The following GLIS3 variants were observed in gnomAD, a reference collection of about 807,000 sequenced individuals.
The protein encoded by GLIS3 is GLIS family zinc finger 3.
GLIS3 carries 53 observed loss-of-function variants against 78.6 expected under a neutral mutation model. That is an observed-to-expected ratio of 0.67 (90% CI 0.54 to 0.85). The LOEUF (loss-of-function observed/expected upper bound fraction) is 0.85, where lower values mean the gene tolerates loss of function less well. Ranked by LOEUF, GLIS3 falls within the 40% of genes least tolerant of loss-of-function variation. The pLI is 0.00. For synonymous variants in GLIS3, 684 were observed against 509.9 expected (o/e 1.34, Z -4.60); for missense variants, 1,703 against 1,231.1 (o/e 1.38, Z -5.74).
intron 4 of GLIS3, among the ~76,000 whole-genome samples, chr9:4,045,005 A>G (rs1201347602): frequency 6.6e-6 from 1 of 152,178 alleles, no homozygotes; most frequent in Non-Finnish European, 1.5e-5. Flanking sequence ...TGCAGGCATA[A>G]AAAACAAGGC....
the GLIS3 span, among the ~76,000 whole-genome samples, chr9:4,419,527 T>C: frequency 3.3e-5 from 5 of 152,236 alleles, no homozygotes; most frequent in East Asian, 3.9e-4. Context: ...CGGTGGCTCA[T>C]GCTTGTAATC....
chr9:4,224,505 T>G (rs1463623952), intron 2 of GLIS3, among the ~76,000 whole-genome samples: 3 of 152,186 alleles, frequency 2.0e-5, no homozygotes, highest in Non-Finnish European at 4.4e-5. Flanking sequence ...AAGAGTTCTG[T>G]GCTTCACTAT....
At chr9:4,086,457 C>G (rs1248408114) in intron 4 of GLIS3, among the ~76,000 whole-genome samples, 1 of 152,168 alleles carries the variant, frequency 6.6e-6, no homozygotes. Context: ...TCGTGGTATT[C>G]CCACGACCTA....
upstream of GLIS3, chr9:4,348,533 T>C (rs754715945): frequency 1.3e-5 from 2 of 152,232 alleles, no homozygotes; most frequent in Admixed American, 6.5e-5. Flanking sequence ...ACTCGGTCAA[T>C]GGCCACACCT....
intron 4 of GLIS3, among the ~76,000 whole-genome samples, chr9:4,015,746 G>A (rs571444060): frequency 6.6e-6 from 1 of 151,898 alleles, no homozygotes; most frequent in African/African-American, 2.4e-5. Context: ...AGTATTAGTC[G>A]AGAGTGGTGG....
the GLIS3 span, among the ~76,000 whole-genome samples, chr9:4,383,461 GAT>G: frequency 6.6e-6 from 1 of 152,150 alleles, no homozygotes; most frequent in East Asian, 1.9e-4. Context: ...ATGTATCAAA[GAT>G]AACATAGAAC....
chr9:4,013,497 T>C (rs1822201009), intron 4 of GLIS3, among the ~76,000 whole-genome samples: 1 of 152,212 alleles, frequency 6.6e-6, no homozygotes. Context: ...TTAAAGAAGT[T>C]AATATGAATA....
At chr9:3,862,610 C>T (rs764245232) in intron 8 of GLIS3, among the ~76,000 whole-genome samples, 20 of 152,242 alleles carry the variant, frequency 1.3e-4, no homozygotes, top group Admixed American at 5.2e-4. Context: ...TTGTACTGTA[C>T]GCACAAGCAG....
intron 8 of GLIS3, among the ~76,000 whole-genome samples, chr9:3,856,846 A>G (rs1819828467): frequency 6.6e-6 from 1 of 152,188 alleles, no homozygotes; most frequent in African/African-American, 2.4e-5. Flanking sequence ...CACATGCGCC[A>G]ATCACAGTAA....
chr9:4,031,427 A>G (rs1823822115), intron 4 of GLIS3, among the ~76,000 whole-genome samples: 1 of 152,242 alleles, frequency 6.6e-6, no homozygotes, highest in South Asian at 2.1e-4. Flanking sequence ...TGAAATGCCC[A>G]GATTATGCAA....
intron 2 of GLIS3, among the ~76,000 whole-genome samples, chr9:4,180,755 A>C (rs1020276395): frequency 3.3e-5 from 5 of 152,190 alleles, no homozygotes; most frequent in Non-Finnish European, 7.3e-5. Context: ...TTGGACAGTC[A>C]CAAACTAGAG....
intron 4 of GLIS3, among the ~76,000 whole-genome samples, chr9:4,010,155 T>C (rs1821883315): frequency 6.6e-6 from 1 of 151,972 alleles, no homozygotes; most frequent in African/African-American, 2.4e-5. Flanking sequence ...GGTAACAAGA[T>C]AGATAGAATA....
the GLIS3 span, among the ~76,000 whole-genome samples, chr9:4,409,245 G>A: frequency 6.6e-6 from 1 of 152,052 alleles, no homozygotes; most frequent in Non-Finnish European, 1.5e-5. Context: ...GCTTTGCCCT[G>A]GAATGAACTC....
At chr9:3,935,031 T>C (rs929067705) in intron 5 of GLIS3, among the ~76,000 whole-genome samples, 1 of 152,188 alleles carries the variant, frequency 6.6e-6, no homozygotes, top group African/African-American at 2.4e-5. Flanking sequence ...AATTAGGAAC[T>C]CAGTAATGTT....
chr9:4,016,150 T>C (rs1588458681), intron 4 of GLIS3, among the ~76,000 whole-genome samples: 1 of 152,126 alleles, frequency 6.6e-6, no homozygotes, highest in Admixed American at 6.5e-5. Flanking sequence ...CCAAGTTCAT[T>C]ACATTCAAAG....
chr9:4,415,171 G>C, the GLIS3 span, among the ~76,000 whole-genome samples: 4 of 152,152 alleles, frequency 2.6e-5, no homozygotes, highest in Non-Finnish European at 5.9e-5. Flanking sequence ...TAAATCCATT[G>C]TGTAAATGGA....
intron 2 of GLIS3, among the ~76,000 whole-genome samples, chr9:4,170,683 T>C (rs1816302605): frequency 6.6e-6 from 1 of 152,194 alleles, no homozygotes. Context: ...GTGGAACTCC[T>C]TTCTCCATTT....
chr9:4,448,375 T>A, the GLIS3 span, among the ~76,000 whole-genome samples: 1 of 152,184 alleles, frequency 6.6e-6, no homozygotes, highest in Non-Finnish European at 1.5e-5. Context: ...CCCATGCTTG[T>A]GAGCACAGAG....
intron 4 of GLIS3, among the ~76,000 whole-genome samples, chr9:4,022,876 G>A (rs1823002893): frequency 6.6e-6 from 1 of 152,150 alleles, no homozygotes; most frequent in African/African-American, 2.4e-5. Flanking sequence ...AATCTACAGT[G>A]ACAAAACCCA....
Sources: gnomAD v4.1 joint callset for allele counts (sites outside exome capture counted in the v4.1 genomes callset) on GRCh38, gnomAD v4.1.1 for gene constraint, MANE v1.5 for transcripts, NCBI Gene and HGNC (gene_info 2026-07-23, HGNC 2026-07-21) for gene names.